TSPAN7: variants seen among roughly 807,000 people sequenced by gnomAD.
TSPAN7 encodes the protein tetraspanin-7.
TSPAN7 carries 1 observed loss-of-function variant against 17.6 expected under a neutral mutation model. The ratio of observed to expected loss-of-function variants is 0.06; its 90% confidence interval spans 0.02 to 0.27. TSPAN7 has a LOEUF of 0.27. TSPAN7 is among the 10% of genes least tolerant of loss of function. The probability of loss-of-function intolerance (pLI) is 1.00; values close to 1 mark genes in which losing one functional copy is unlikely to be tolerated. For missense variants in TSPAN7, 112 were observed against 201.7 expected (o/e 0.56, Z 2.69); for synonymous variants, 78 against 79.0 (o/e 0.99, Z 0.07).
intron 1 of TSPAN7, among the ~76,000 whole-genome samples, chrX:38,628,142 T>C (rs2069531257): frequency 8.9e-6 from 1 of 112,699 alleles, no homozygotes; most frequent in South Asian, 3.7e-4. Flanking sequence ...TTGGCATTAA[T>C]GCCAAGTACT....
intron 1 of TSPAN7, among the ~76,000 whole-genome samples, chrX:38,587,910 G>T (rs1486609697): frequency 3.6e-5 from 4 of 111,988 alleles, no homozygotes; most frequent in African/African-American, 1.3e-4. Context: ...ATAATTTCCA[G>T]AATGTTGGTT....
At chrX:38,647,504 C>T (rs765834568) in intron 1 of TSPAN7, among the ~76,000 whole-genome samples, 7 of 112,067 alleles carry the variant, frequency 6.2e-5, no homozygotes, top group Admixed American at 1.9e-4. Context: ...ATAAAATAAG[C>T]ATTTATTGAG....
intron 1 of TSPAN7, among the ~76,000 whole-genome samples, chrX:38,649,205 C>T (rs189379782): frequency 9.0e-6 from 1 of 111,187 alleles, no homozygotes; most frequent in Non-Finnish European, 1.9e-5. Context: ...TTTCTGATGA[C>T]CGCCAAGCCC....
At chrX:38,679,151 G>A (rs2069874306) in intron 5 of TSPAN7, among the ~76,000 whole-genome samples, 1 of 112,493 alleles carries the variant, frequency 8.9e-6, no homozygotes, top group Non-Finnish European at 1.9e-5. Context: ...CTTCTAGAAT[G>A]AAGTAGAAAT....
rs146111743 is a variant in TSPAN7 at position 38,641,076 on chromosome X, G to A, written c.82-25045G>A. Among the ~76,000 whole-genome samples the A allele has an allele frequency of 2.7e-3, 309 of 112,456 alleles. 4 individuals carry two copies. Among genetic ancestry groups the A allele is most frequent in the South Asian group, 0.014 (38 of 2,684 alleles). ...GCCTGGTCAGATTAAAAGCCAAAGCGTGTGCTCAGTCTTTCTGCTAGAGGA... is the reference window on the plus strand; with the variant it reads ...GCCTGGTCAGATTAAAAGCCAAAGCATGTGCTCAGTCTTTCTGCTAGAGGA... On this transcript the variant is annotated intron_variant, in intron 1 of 7. Coordinates refer to ENST00000378482, the MANE Select transcript of TSPAN7 (RefSeq NM_004615.4).
intron 1 of TSPAN7, among the ~76,000 whole-genome samples, chrX:38,600,193 A>G (rs1237972205): frequency 9.0e-6 from 1 of 111,569 alleles, no homozygotes; most frequent in African/African-American, 3.3e-5. Flanking sequence ...AGTCATTTTA[A>G]AAACCATATC....
intron 1 of TSPAN7, among the ~76,000 whole-genome samples, chrX:38,580,294 A>T (rs967150892): frequency 8.9e-6 from 1 of 112,180 alleles, no homozygotes; most frequent in Non-Finnish European, 1.9e-5. Flanking sequence ...TCTTTGTGAG[A>T]GGGTCTCCAG....
Position 38,687,687 on chromosome X carries a change from G to A in TSPAN7, c.*7+13G>A. 4 of 1,200,129 alleles carry A rather than the reference G, an allele frequency of 3.3e-6. No homozygotes were observed. The highest frequency in any genetic ancestry group is 4.5e-6 in the Non-Finnish European group (4 of 887,679). ...GTGTAAGGAGAAGGTAGGTGACAGTGGGGAGTGTTTAATTTTGAGGGGTCC... is the reference window on the plus strand; with the variant it reads ...GTGTAAGGAGAAGGTAGGTGACAGTAGGGAGTGTTTAATTTTGAGGGGTCC... On this transcript the variant is annotated intron_variant, in intron 7 of 7. Transcript: ENST00000378482.
intron 1 of TSPAN7, among the ~76,000 whole-genome samples, chrX:38,577,765 TAACA>T (rs1281524449): frequency 9.3e-6 from 1 of 107,572 alleles, no homozygotes; most frequent in Non-Finnish European, 1.9e-5. Context: ...TATACATATG[TAACA>T]AACCTGCACG....
At chrX:38,607,943 T>G (rs1169731171) in intron 1 of TSPAN7, among the ~76,000 whole-genome samples, 3 of 110,417 alleles carry the variant, frequency 2.7e-5, no homozygotes, top group Non-Finnish European at 5.7e-5. Flanking sequence ...TTGAATGGCT[T>G]CAAAGCTGTT....
chrX:38,687,177 A>G (rs796618472), intron 6 of TSPAN7, among the ~76,000 whole-genome samples: 2 of 112,356 alleles, frequency 1.8e-5, no homozygotes, highest in East Asian at 5.5e-4. Flanking sequence ...CATGTGCTAT[A>G]GATGTGAATT....
At chrX:38,652,962 T>C (rs2069683581) in intron 1 of TSPAN7, among the ~76,000 whole-genome samples, 1 of 112,282 alleles carries the variant, frequency 8.9e-6, no homozygotes, top group Admixed American at 9.4e-5. Flanking sequence ...CTGGGTAATA[T>C]TGGACAGAGG....
intron 1 of TSPAN7, among the ~76,000 whole-genome samples, chrX:38,630,485 A>G (rs936622148): frequency 1.8e-5 from 2 of 111,759 alleles, no homozygotes; most frequent in Non-Finnish European, 3.8e-5. Flanking sequence ...GGTGGGGACT[A>G]TGTCACATTG....
chrX:38,593,206 T>G (rs2069301911), intron 1 of TSPAN7, among the ~76,000 whole-genome samples: 1 of 111,457 alleles, frequency 9.0e-6, no homozygotes, highest in African/African-American at 3.3e-5. Context: ...TTTTTAGCAA[T>G]TTTTTAATAA....
At chrX:38,610,422 T>A (rs1390595921) in intron 1 of TSPAN7, among the ~76,000 whole-genome samples, 1 of 112,051 alleles carries the variant, frequency 8.9e-6, no homozygotes, top group Non-Finnish European at 1.9e-5. Context: ...AAATGTTAGC[T>A]TATATTTTCG....
At chrX:38,582,825 T>C (rs113098096) in intron 1 of TSPAN7, among the ~76,000 whole-genome samples, 5,193 of 111,805 alleles carry the variant, frequency 0.046, 243 homozygotes, top group African/African-American at 0.15. Flanking sequence ...TCTTTTCTTG[T>C]GTCTATTGTA....
intron 1 of TSPAN7, among the ~76,000 whole-genome samples, chrX:38,609,415 G>A (rs1278001324): frequency 7.2e-5 from 8 of 111,132 alleles, no homozygotes; most frequent in African/African-American, 1.3e-4. Context: ...TAGGAGCTAC[G>A]TGTATGAAAC....
intron 1 of TSPAN7, among the ~76,000 whole-genome samples, chrX:38,572,536 ATTC>A (rs2069174687): frequency 9.0e-6 from 1 of 111,625 alleles, no homozygotes; most frequent in Non-Finnish European, 1.9e-5. Flanking sequence ...TCAGACTGCT[ATTC>A]TTCTTAGTGA....
intron 1 of TSPAN7, among the ~76,000 whole-genome samples, chrX:38,623,218 A>T (rs2069499088): frequency 9.0e-6 from 1 of 111,659 alleles, no homozygotes; most frequent in Non-Finnish European, 1.9e-5. Context: ...TTACTAGCAG[A>T]CCCTTCGGTT....
Sources: allele counts gnomAD v4.1 joint callset (sites outside exome capture counted in the v4.1 genomes callset), GRCh38; gene constraint gnomAD v4.1.1; transcripts MANE v1.5; gene names NCBI Gene and HGNC (gene_info 2026-07-23, HGNC 2026-07-21).